Variants in EBF3 observed in about 807,000 individuals in gnomAD.
EBF3 encodes transcription factor COE3.
Under a neutral mutation model 77.1 loss-of-function variants are expected in EBF3, and 18 were observed. The observed-to-expected ratio is 0.23, with a 90% CI of 0.16 to 0.35. The LOEUF (loss-of-function observed/expected upper bound fraction) is 0.35. EBF3 is among the 10% of genes least tolerant of loss of function. EBF3 has a pLI of 1.00. For synonymous variants in EBF3, 350 were observed against 343.5 expected (o/e 1.02, Z -0.21); for missense variants, 558 against 860.0 (o/e 0.65, Z 4.39).
Position 129,870,714 on chromosome 10 carries a change from G to A in EBF3, c.781+2738C>T, listed in dbSNP as rs11016987. ...TTATCCTGTGGCCAGGGAGCCCAATGGCTGGGATGAGCATGTCAAAACGGG... is the reference window on the plus strand; with the variant it reads ...TTATCCTGTGGCCAGGGAGCCCAATAGCTGGGATGAGCATGTCAAAACGGG... On this transcript the variant is annotated intron_variant, in intron 8 of 16. Transcript: ENST00000440978. The surrounding 1 kb of genome is among the most constrained non-coding windows in gnomAD (Gnocchi z 4.4). 0.46 allele frequency among the ~76,000 whole-genome samples: 70,444 copies of A among 152,016 alleles called. 16,908 individuals are homozygous for A. Among genetic ancestry groups the A allele is most frequent in the Non-Finnish European group, 0.52 (35,185 of 67,936 alleles).
intron 6 of EBF3, among the ~76,000 whole-genome samples, chr10:129,896,609 T>C (rs921812151): frequency 1.2e-4 from 18 of 152,204 alleles, no homozygotes; most frequent in African/African-American, 4.3e-4. Flanking sequence ...GGGCGCGGCC[T>C]CCTGGCGAGC....
At position 129,863,449 on chromosome 10, in the gene EBF3, T is replaced by C. The variant is rs572511127; in HGVS notation, c.1039+3692A>G. 3.9e-5 allele frequency among the ~76,000 whole-genome samples: 6 copies of C among 152,342 alleles called. No individual in the cohort carries two copies. The South Asian group carries it at 1.2e-3, about 32-fold the overall frequency. On this transcript the variant is annotated intron_variant, in intron 10 of 16. Transcript: ENST00000440978. This position sits in a 1 kb window ranked among gnomAD's most constrained non-coding sequence, Gnocchi z 4.0. ...GTCTGGTTCAGAAAAATCTGGTGTT[T>C]CTCAGATCACTGTAAACAGATCATT...
intron 6 of EBF3, among the ~76,000 whole-genome samples, chr10:129,955,395 T>C (rs1858963308): frequency 6.6e-6 from 1 of 152,208 alleles, no homozygotes; most frequent in Admixed American, 6.5e-5. Context: ...CAAATAAACA[T>C]GGTAAACCCA....
chr10:129,958,845 G>A, intron 5 of EBF3, 89 bp downstream of exon 5: 1 of 1,447,502 alleles, frequency 6.9e-7, no homozygotes, highest in Non-Finnish European at 9.1e-7. Flanking sequence ...GAGCTGGGCG[G>A]GGTGGCGGCG....
At chr10:129,846,752 C>T (rs1850491777) in intron 11 of EBF3, among the ~76,000 whole-genome samples, 1 of 152,078 alleles carries the variant, frequency 6.6e-6, no homozygotes, top group Non-Finnish European at 1.5e-5. Flanking sequence ...TGCTAGATTT[C>T]ATCTCGTTCA....
At chr10:129,958,700 A>G (rs112932080) in intron 5 of EBF3, among the ~76,000 whole-genome samples, 12 of 152,156 alleles carry the variant, frequency 7.9e-5, no homozygotes, top group African/African-American at 2.7e-4. Flanking sequence ...CTGCAACGAC[A>G]CGGCCCACAT....
intron 10 of EBF3, among the ~76,000 whole-genome samples, chr10:129,849,735 G>A (rs1172767155): frequency 6.6e-6 from 1 of 152,228 alleles, no homozygotes; most frequent in Non-Finnish European, 1.5e-5. Flanking sequence ...GGAATGTGAA[G>A]TAAGACATTT....
chr10:129,866,778 C>T (rs766308222), intron 10 of EBF3, among the ~76,000 whole-genome samples: 1 of 152,202 alleles, frequency 6.6e-6, no homozygotes, highest in Non-Finnish European at 1.5e-5. Flanking sequence ...GACCGGTGGA[C>T]ACACGGCCCC....
chr10:129,913,371 T>A (rs1455264585), intron 6 of EBF3, among the ~76,000 whole-genome samples: 3 of 152,260 alleles, frequency 2.0e-5, no homozygotes, highest in Non-Finnish European at 1.5e-5. Context: ...GGTCCCTAAA[T>A]GAGGGACTTT....
In EBF3 at chr10:129,842,762, TAAAA is replaced by T. The variant is rs35249799; in HGVS notation, c.1194+371_1194+374del. 3.5e-5 allele frequency among the ~76,000 whole-genome samples: 4 copies of T among 112,694 alleles called. No homozygotes were observed. Among genetic ancestry groups the T allele is most frequent in the East Asian group, 2.6e-4 (1 of 3,786 alleles). 73.9% of individuals were successfully genotyped at this position (112,694 alleles called of 152,430 possible). On this transcript the variant is annotated intron_variant, in intron 12 of 16. Coordinates refer to ENST00000440978, the MANE Select transcript of EBF3 (RefSeq NM_001375380.1). The surrounding 1 kb of genome is among the most constrained non-coding windows in gnomAD (Gnocchi z 4.4). ...CTGGGTGACAGAGCAAGACCCTGTC[TAAAA>T]AAAAAAAAAAAAAAAGGGAGCAACA...
intron 6 of EBF3, among the ~76,000 whole-genome samples, chr10:129,905,871 G>A (rs1855110980): frequency 6.6e-6 from 1 of 152,118 alleles, no homozygotes; most frequent in Admixed American, 6.5e-5. Context: ...CAACGCTCAG[G>A]CACTCAAACA....
intron 6 of EBF3, among the ~76,000 whole-genome samples, chr10:129,917,423 CA>C (rs1438872208): frequency 6.6e-6 from 1 of 151,980 alleles, no homozygotes; most frequent in East Asian, 1.9e-4. Context: ...TCCACCTCGG[CA>C]TTTAATTATT....
At chr10:129,933,039 A>G (rs1857131740) in intron 6 of EBF3, among the ~76,000 whole-genome samples, 1 of 152,216 alleles carries the variant, frequency 6.6e-6, no homozygotes, top group African/African-American at 2.4e-5. Flanking sequence ...AGACCCAAAA[A>G]TTATCATAAA....
chr10:129,844,865 T>C (rs1409761351), intron 11 of EBF3, among the ~76,000 whole-genome samples: 1 of 152,328 alleles, frequency 6.6e-6, no homozygotes, highest in East Asian at 1.9e-4. Context: ...GTGAGCAAGA[T>C]AAAGTGTTTT....
intron 6 of EBF3, among the ~76,000 whole-genome samples, chr10:129,909,382 C>T (rs766333705): frequency 6.6e-6 from 1 of 152,212 alleles, no homozygotes; most frequent in East Asian, 1.9e-4. Flanking sequence ...CTCTTGAAAG[C>T]AACTTTGTTC....
chr10:129,962,286 A>G, intron 3 of EBF3, 60 bp from the exon 4 acceptor site: 1 of 1,536,448 alleles, frequency 6.5e-7, no homozygotes, highest in Non-Finnish European at 9.0e-7. Flanking sequence ...CGGGGAGGGC[A>G]CACGGAGCAC....
chr10:129,920,371 G>A (rs572127909), intron 6 of EBF3, among the ~76,000 whole-genome samples: 2 of 148,204 alleles, frequency 1.3e-5, no homozygotes, highest in Non-Finnish European at 3.0e-5. Flanking sequence ...GGTCTAGGGC[G>A]AATATCTGCA....
In EBF3 at chr10:129,938,929, A is replaced by G. The variant is rs1327989580; in HGVS notation, c.554+18329T>C. Among the ~76,000 whole-genome samples the G allele has an allele frequency of 6.6e-6, 1 of 152,240 alleles. No individual in the cohort carries two copies. The highest frequency in any genetic ancestry group is 1.5e-5 in the Non-Finnish European group (1 of 68,042). On this transcript the variant is annotated intron_variant, in intron 6 of 16. Coordinates refer to ENST00000440978, the MANE Select transcript of EBF3 (RefSeq NM_001375380.1). The surrounding 1 kb of genome is among the most constrained non-coding windows in gnomAD (Gnocchi z 5.1). ...CCAGTTGGCATCTGATGACTCAATT[A>G]TCCCAACTCCATCCTTTAAACAGCT...
rs1416118816 is a variant in EBF3 at position 129,838,043 on chromosome 10, TCCC to T, written c.1873-86_1873-84del. 7.2e-6 allele frequency: 11 copies of T among 1,537,774 alleles called. No homozygotes were observed. In the Admixed American group the frequency reaches 1.4e-4, roughly 19 times the overall value. On this transcript the variant is annotated intron_variant, in intron 16 of 16. Coordinates refer to ENST00000440978, the MANE Select transcript of EBF3 (RefSeq NM_001375380.1). Reference sequence around the variant, plus strand: ...ACGCTGACGCGGGCGGGGCTGCCCTTCCCCCCTATTCAACTGGGAGGCTGGTCT... The same window carrying T: ...ACGCTGACGCGGGCGGGGCTGCCCTTCCCTATTCAACTGGGAGGCTGGTCT...
Sources: allele counts gnomAD v4.1 joint callset (sites outside exome capture counted in the v4.1 genomes callset), GRCh38; gene constraint gnomAD v4.1.1; non-coding constraint Gnocchi (gnomAD v3.1); transcripts MANE v1.5; gene names NCBI Gene and HGNC (gene_info 2026-07-23, HGNC 2026-07-21).